RBMS3: variants seen among roughly 807,000 people sequenced by gnomAD.
The protein encoded by RBMS3 is RNA binding motif single stranded interacting protein 3.
RBMS3 carries 27 observed loss-of-function variants against 66.8 expected under a neutral mutation model. The observed-to-expected ratio is 0.40, with a 90% CI of 0.30 to 0.56. The LOEUF (loss-of-function observed/expected upper bound fraction) is 0.56. Among genes scored for constraint, RBMS3 ranks in the 20% least tolerant of loss-of-function variants. RBMS3 has a pLI of 0.40. For synonymous variants in RBMS3, 188 were observed against 183.0 expected, an observed-to-expected ratio of 1.03 and a Z score of -0.22; for missense variants, 513 against 549.5, an observed-to-expected ratio of 0.93 and a Z score of 0.66.
intron 3 of RBMS3, among the ~76,000 whole-genome samples, chr3:29,553,574 A>G (rs1163714599): frequency 6.6e-6 from 1 of 152,064 alleles, no homozygotes; most frequent in Non-Finnish European, 1.5e-5. Flanking sequence ...TGCTGCCCAG[A>G]TGGTGACTCA....
rs544071960 is a variant in RBMS3, at chr3:29,783,523, A to T, written c.637+20534A>T. ...GAGAATTTGCTACTACCAAGCCAGC[A>T]CTACAATAACTGTTAAAGGGAGCTC... On this transcript the variant is annotated intron_variant, in intron 6 of 14. Transcript: ENST00000383767. Among the ~76,000 whole-genome samples the T allele has an allele frequency of 4.5e-4, 68 of 152,308 alleles. 1 individual carries two copies. Among genetic ancestry groups the T allele is most frequent in the African/African-American group, 1.6e-3 (66 of 41,588 alleles).
intron 3 of RBMS3, among the ~76,000 whole-genome samples, chr3:29,534,948 G>GAA (rs71628527): frequency 6.9e-6 from 1 of 145,664 alleles, no homozygotes; most frequent in Non-Finnish European, 1.5e-5. Context: ...ATTGAGAAAA[G>GAA]AAAAAAAAAA....
intron 2 of RBMS3, among the ~76,000 whole-genome samples, chr3:29,459,894 A>C (rs2042317644): frequency 6.6e-6 from 1 of 152,216 alleles, no homozygotes; most frequent in Non-Finnish European, 1.5e-5. Flanking sequence ...GCATTGAAAC[A>C]TCCAGTTCAA....
intron 10 of RBMS3, among the ~76,000 whole-genome samples, chr3:29,911,592 A>C (rs576465757): frequency 6.6e-6 from 1 of 152,096 alleles, no homozygotes; most frequent in Non-Finnish European, 1.5e-5. Context: ...TAATCATTAT[A>C]GCCTCTGCAC....
chr3:29,620,864 C>T (rs9868481), intron 4 of RBMS3, among the ~76,000 whole-genome samples: 45,787 of 151,636 alleles, frequency 0.3, 7,644 homozygotes, highest in African/African-American at 0.45. Flanking sequence ...TTGAATTTTA[C>T]GGTTTTACTA....
chr3:29,501,318 T>C (rs889571187), intron 3 of RBMS3, among the ~76,000 whole-genome samples: 13 of 152,182 alleles, frequency 8.5e-5, no homozygotes, highest in Non-Finnish European at 1.8e-4. Context: ...AGTCTATATT[T>C]CCACTCTGTG....
At chr3:29,739,503 A>G (rs1374631805) in intron 4 of RBMS3, among the ~76,000 whole-genome samples, 1 of 151,976 alleles carries the variant, frequency 6.6e-6, no homozygotes, top group Non-Finnish European at 1.5e-5. Context: ...TTTCTAAGGA[A>G]TGATGGATGG....
At chr3:29,540,136 C>G (rs2045704719) in intron 3 of RBMS3, among the ~76,000 whole-genome samples, 1 of 152,128 alleles carries the variant, frequency 6.6e-6, no homozygotes, top group East Asian at 1.9e-4. Context: ...CTACCATGCA[C>G]TTAAGTATTT....
At chr3:29,331,252 C>G (rs1488060614) in intron 1 of RBMS3, among the ~76,000 whole-genome samples, 1 of 152,094 alleles carries the variant, frequency 6.6e-6, no homozygotes, top group Non-Finnish European at 1.5e-5. Context: ...CTTGTGCAGG[C>G]TAGCACTAGT....
intron 3 of RBMS3, chr3:29,526,291 C>T: frequency 6.6e-6 from 1 of 151,944 alleles, no homozygotes; most frequent in East Asian, 1.9e-4. Flanking sequence ...GAGGCCGAGG[C>T]AGGTGGATCA....
At chr3:29,427,856 C>A (rs1332233584) in intron 1 of RBMS3, among the ~76,000 whole-genome samples, 6 of 152,152 alleles carry the variant, frequency 3.9e-5, no homozygotes, top group African/African-American at 9.7e-5. Context: ...GGCAATAGAA[C>A]TGACTGCAGT....
intron 2 of RBMS3, among the ~76,000 whole-genome samples, chr3:29,484,204 T>C (rs1395008136): frequency 1.3e-5 from 2 of 152,218 alleles, no homozygotes; most frequent in African/African-American, 2.4e-5. Context: ...CTGTTCTTTT[T>C]GCAAAGCTCA....
In RBMS3 at chr3:29,729,204, A is replaced by G. The variant is rs979020357; in HGVS notation, c.400-10516A>G. Among the ~76,000 whole-genome samples the G allele has an allele frequency of 5.3e-5, 7 of 130,884 alleles. No homozygotes were observed. In the East Asian group the frequency reaches 1.1e-3, roughly 21 times the overall value. The allele number at this position is 130,884 out of a possible 152,430, so 85.9% of individuals were successfully genotyped here. ...GCCCGCCCTGTGTCCAAGTGATCTC[A>G]TTGTTCAGTTCCCACCTATGAGTGA... is the stretch of plus-strand genomic sequence containing the variant. On this transcript the variant is annotated intron_variant, in intron 4 of 14. Transcript: ENST00000383767.
At chr3:29,924,188 G>A (rs1396823700) in intron 10 of RBMS3, among the ~76,000 whole-genome samples, 3 of 152,104 alleles carry the variant, frequency 2.0e-5, no homozygotes, top group East Asian at 1.9e-4. Flanking sequence ...TGCCATTGCT[G>A]CACACTGAAA....
chr3:29,597,053 G>A (rs1166131846), intron 4 of RBMS3, among the ~76,000 whole-genome samples: 11 of 152,188 alleles, frequency 7.2e-5, no homozygotes, highest in Non-Finnish European at 1.5e-4. Context: ...GGACATCTTT[G>A]TTTCTTCAGA....
At chr3:29,418,169 A>T (rs1195359272) in intron 1 of RBMS3, among the ~76,000 whole-genome samples, 4 of 152,184 alleles carry the variant, frequency 2.6e-5, no homozygotes. Flanking sequence ...ACAAGTCATT[A>T]TTTGACCTGC....
At chr3:29,823,232 G>A (rs988230194) in intron 6 of RBMS3, among the ~76,000 whole-genome samples, 3 of 151,940 alleles carry the variant, frequency 2.0e-5, no homozygotes, top group South Asian at 4.2e-4. Flanking sequence ...TTCCCCAGTC[G>A]TTACCCCTCC....
At chr3:29,733,725 T>C (rs1402099960) in intron 4 of RBMS3, among the ~76,000 whole-genome samples, 1 of 152,128 alleles carries the variant, frequency 6.6e-6, no homozygotes, top group East Asian at 1.9e-4. Context: ...CCTTACTCGG[T>C]TGATTGTTTC....
chr3:29,772,886 A>G (rs1021517588), intron 6 of RBMS3, among the ~76,000 whole-genome samples: 2 of 152,044 alleles, frequency 1.3e-5, no homozygotes, highest in African/African-American at 4.8e-5. Context: ...ACTATAGAAG[A>G]CTGTTCAGCA....
Sources: gnomAD v4.1 joint callset for allele counts (sites outside exome capture counted in the v4.1 genomes callset) on GRCh38, gnomAD v4.1.1 for gene constraint, MANE v1.5 for transcripts, NCBI Gene and HGNC (gene_info 2026-07-23, HGNC 2026-07-21) for gene names.